Variants in MIS18A observed in about 807,000 individuals in gnomAD.
MIS18A encodes MIS18 kinetochore protein A.
MIS18A carries 14 observed loss-of-function variants against 25.0 expected under a neutral mutation model. The ratio of observed to expected loss-of-function variants is 0.56; its 90% CI spans 0.37 to 0.88. The LOEUF is 0.88. MIS18A is among the 40% of genes least tolerant of loss of function. The probability of loss-of-function intolerance (pLI) is 0.00; values close to 1 mark genes in which losing one functional copy is unlikely to be tolerated. For synonymous variants in MIS18A, 134 were observed against 118.6 expected (o/e 1.13, Z -0.84); for missense variants, 292 against 290.8 (o/e 1.00, Z -0.03).
At chr21:32,202,750 T>G in the MIS18A span, among the ~76,000 whole-genome samples, 1 of 152,214 alleles carries the variant, frequency 6.6e-6, no homozygotes. Context: ...ATGACACACT[T>G]ATATCACTTA....
At chr21:32,220,566 T>A in the MIS18A span, among the ~76,000 whole-genome samples, 2 of 152,074 alleles carry the variant, frequency 1.3e-5, no homozygotes, top group African/African-American at 4.8e-5. Flanking sequence ...CCAGAATACT[T>A]CTTCTCCTCC....
At chr21:32,160,285 AACACACAC>A in the MIS18A span, among the ~76,000 whole-genome samples, 369 of 145,722 alleles carry the variant, frequency 2.5e-3, 1 homozygote, top group African/African-American at 7.2e-3. Flanking sequence ...ACACCTCTGC[AACACACAC>A]ACACACACAC....
the MIS18A span, among the ~76,000 whole-genome samples, chr21:32,214,790 T>G: frequency 6.6e-6 from 1 of 152,208 alleles, no homozygotes; most frequent in Non-Finnish European, 1.5e-5. Context: ...AGCCCGGCCC[T>G]TGCCCTGCCA....
At chr21:32,203,496 TAAA>T in the MIS18A span, among the ~76,000 whole-genome samples, 3 of 128,786 alleles carry the variant, frequency 2.3e-5, no homozygotes, top group African/African-American at 2.9e-5. Flanking sequence ...CTTGGGAGCT[TAAA>T]AAAAAAAAAA....
chr21:32,231,482 C>A, the MIS18A span, among the ~76,000 whole-genome samples: 5 of 152,244 alleles, frequency 3.3e-5, no homozygotes, highest in Middle Eastern at 3.4e-3. Flanking sequence ...GTCACAACCA[C>A]AATGCGATAT....
downstream of MIS18A, among the ~76,000 whole-genome samples, chr21:32,265,155 G>T (rs545519540): frequency 2.0e-5 from 3 of 152,202 alleles, no homozygotes; most frequent in African/African-American, 7.2e-5. Context: ...CTGCTGAGAG[G>T]TGACAGCGTG....
chr21:32,218,144 G>T, the MIS18A span, among the ~76,000 whole-genome samples: 1 of 128,512 alleles, frequency 7.8e-6, no homozygotes, highest in Admixed American at 9.3e-5. Flanking sequence ...AGTGAGCCAA[G>T]ATCGGGCCAC....
At chr21:32,182,257 G>T in the MIS18A span, among the ~76,000 whole-genome samples, 1 of 152,196 alleles carries the variant, frequency 6.6e-6, no homozygotes, top group Admixed American at 6.5e-5. Context: ...GGCAATGTCT[G>T]CCATGGCTCT....
chr21:32,258,863 TTTATTTATTTATTTAC>T, the MIS18A span, among the ~76,000 whole-genome samples: 60 of 126,426 alleles, frequency 4.7e-4, no homozygotes, highest in Admixed American at 3.4e-3. Flanking sequence ...TATTTATTTA[TTTATTTATTTATTTAC>T]TTACTTACTT....
chr21:32,256,211 C>T, the MIS18A span, among the ~76,000 whole-genome samples: 1 of 152,190 alleles, frequency 6.6e-6, no homozygotes, highest in East Asian at 1.9e-4. Context: ...GACAAAATCA[C>T]AAAACCATTG....
At chr21:32,178,679 T>C in the MIS18A span, among the ~76,000 whole-genome samples, 4 of 152,192 alleles carry the variant, frequency 2.6e-5, no homozygotes, top group African/African-American at 9.6e-5. Flanking sequence ...TTTGACTAAG[T>C]ACAAGGTACT....
the MIS18A span, among the ~76,000 whole-genome samples, chr21:32,238,005 A>G: frequency 6.6e-6 from 1 of 152,098 alleles, no homozygotes; most frequent in Admixed American, 6.6e-5. Flanking sequence ...GCCTCCCCTT[A>G]TGGTTACAAG....
chr21:32,273,041 G>T (rs1235832477), intron 2 of MIS18A, among the ~76,000 whole-genome samples: 1 of 151,848 alleles, frequency 6.6e-6, no homozygotes, highest in Non-Finnish European at 1.5e-5. Context: ...CTGCATGCCG[G>T]CACCACAATT....
rs116367459 is a variant in MIS18A at position 32,278,851 on chromosome 21, A to G, written c.164T>C (p.Met55Thr). 1.3e-3 allele frequency: 2,076 copies of G among 1,611,862 alleles called. 25 individuals are homozygous for G. The African/African-American group carries it at 0.025, about 19-fold the overall frequency. Residue 55 changes from methionine (M) to threonine (T), a missense_variant, in exon 1 of 5, where the codon ATG (methionine) becomes ACG (threonine). Coordinates refer to ENST00000290130, the MANE Select transcript of MIS18A (RefSeq NM_018944.3). ...LQKWASMWSS[M>T]SEDASVADME... is the part of the protein sequence containing the mutation. ...GTCGGCCACCGACGCGTCTTCGCTC[A>G]TGGAGCTCCACATGCTCGCCCACTT...
At chr21:32,255,524 C>A in the MIS18A span, among the ~76,000 whole-genome samples, 1 of 149,560 alleles carries the variant, frequency 6.7e-6, no homozygotes, top group Non-Finnish European at 1.5e-5. Flanking sequence ...TGAGCCACCG[C>A]GCTTGGCATT....
At chr21:32,260,722 C>T in the MIS18A span, 1 of 152,438 alleles carries the variant, frequency 6.6e-6, no homozygotes, top group South Asian at 2.1e-4. Flanking sequence ...AATTTTCAAA[C>T]AATACACAGG....
chr21:32,272,879 C>T (rs565563328), intron 2 of MIS18A, among the ~76,000 whole-genome samples: 303 of 152,238 alleles, frequency 2.0e-3, no homozygotes, highest in African/African-American at 7.1e-3. Flanking sequence ...AAGAGCACTT[C>T]GAAGGCAGTA....
At chr21:32,156,665 C>T in the MIS18A span, among the ~76,000 whole-genome samples, 22 of 151,536 alleles carry the variant, frequency 1.5e-4, no homozygotes, top group East Asian at 9.6e-4. Context: ...TCCCAGGAAG[C>T]GTTTTTACCC....
chr21:32,192,140 T>A, the MIS18A span, among the ~76,000 whole-genome samples: 1 of 152,162 alleles, frequency 6.6e-6, no homozygotes, highest in African/African-American at 2.4e-5. Context: ...CTGGACTCAG[T>A]AGACTCCTGT....
Sources: gnomAD v4.1 joint callset for allele counts (sites outside exome capture counted in the v4.1 genomes callset) on GRCh38, gnomAD v4.1.1 for gene constraint, MANE v1.5 for transcripts, NCBI Gene and HGNC (gene_info 2026-07-23, HGNC 2026-07-21) for gene names.